DOK6: variants seen among roughly 807,000 people sequenced by gnomAD.
The protein encoded by DOK6 is downstream of tyrosine kinase 6.
Under a neutral mutation model 44.0 loss-of-function variants are expected in DOK6, and 22 were observed. The ratio of observed to expected loss-of-function variants is 0.50; its 90% CI spans 0.36 to 0.71. The LOEUF is 0.71. DOK6 is among the 30% of genes least tolerant of loss of function. DOK6 has a pLI of 0.00. For synonymous variants in DOK6, 166 were observed against 145.5 expected (o/e 1.14, Z -1.01); for missense variants, 340 against 416.4 (o/e 0.82, Z 1.60).
intron 5 of DOK6, among the ~76,000 whole-genome samples, chr18:69,708,630 CA>C (rs1229701703): frequency 6.6e-6 from 1 of 151,772 alleles, no homozygotes; most frequent in East Asian, 1.9e-4. Flanking sequence ...ACTAAAAATA[CA>C]AAAAACAGCT....
intron 2 of DOK6, among the ~76,000 whole-genome samples, chr18:69,582,511 C>T (rs1163534908): frequency 2.0e-5 from 3 of 152,106 alleles, no homozygotes; most frequent in African/African-American, 4.8e-5. Flanking sequence ...TGTACAAATA[C>T]TCTTTTTCAT....
chr18:69,667,364 G>A (rs1192519774), intron 3 of DOK6, among the ~76,000 whole-genome samples: 1 of 152,112 alleles, frequency 6.6e-6, no homozygotes, highest in Non-Finnish European at 1.5e-5. Flanking sequence ...TGTCTGCACT[G>A]ACTCCAACTT....
intron 1 of DOK6, among the ~76,000 whole-genome samples, chr18:69,402,750 A>T (rs553588612): frequency 1.3e-5 from 2 of 152,248 alleles, no homozygotes; most frequent in Non-Finnish European, 1.5e-5. Flanking sequence ...CCTGGAGCCA[A>T]CGTGCGCTGC....
chr18:69,443,074 G>T (rs568988805), intron 1 of DOK6, among the ~76,000 whole-genome samples: 1 of 152,058 alleles, frequency 6.6e-6, no homozygotes, highest in Non-Finnish European at 1.5e-5. Context: ...ATACGAATAC[G>T]CCTGTTTACC....
At chr18:69,615,145 C>T (rs1038185589) in intron 3 of DOK6, among the ~76,000 whole-genome samples, 16 of 152,056 alleles carry the variant, frequency 1.1e-4, no homozygotes, top group African/African-American at 3.6e-4. Flanking sequence ...GTATATATAA[C>T]CCCAAATAAT....
At chr18:69,509,530 C>T (rs941379553) in intron 1 of DOK6, among the ~76,000 whole-genome samples, 2 of 145,792 alleles carry the variant, frequency 1.4e-5, no homozygotes, top group African/African-American at 2.5e-5. Flanking sequence ...CCCAGCTACT[C>T]GGGAGGCCGA....
At chr18:69,469,038 A>G (rs1980010661) in intron 1 of DOK6, among the ~76,000 whole-genome samples, 1 of 152,188 alleles carries the variant, frequency 6.6e-6, no homozygotes, top group African/African-American at 2.4e-5. Flanking sequence ...AGGTCAGGGG[A>G]GAGGATGAAG....
intron 1 of DOK6, among the ~76,000 whole-genome samples, chr18:69,497,456 T>G (rs770913912): frequency 6.6e-6 from 1 of 152,154 alleles, no homozygotes; most frequent in East Asian, 1.9e-4. Context: ...GAATCGTTCA[T>G]GTGGCTGGAA....
chr18:69,585,043 TATC>T (rs1983467578), intron 2 of DOK6, among the ~76,000 whole-genome samples: 1 of 151,894 alleles, frequency 6.6e-6, no homozygotes, highest in African/African-American at 2.4e-5. Flanking sequence ...TTTCTGCCCT[TATC>T]ATTATTATGT....
At chr18:69,790,318 C>A (rs1980555941) in intron 7 of DOK6, among the ~76,000 whole-genome samples, 1 of 152,076 alleles carries the variant, frequency 6.6e-6, no homozygotes, top group South Asian at 2.1e-4. Context: ...CTAATGCATG[C>A]AGGGCTTAAA....
intron 1 of DOK6, among the ~76,000 whole-genome samples, chr18:69,476,549 A>C (rs531269397): frequency 3.5e-4 from 53 of 151,774 alleles, no homozygotes; most frequent in Admixed American, 3.0e-3. Flanking sequence ...TGGACAAGGC[A>C]GTTAATAGAC....
At chr18:69,666,576 T>C (rs1023583774) in intron 3 of DOK6, among the ~76,000 whole-genome samples, 2 of 152,178 alleles carry the variant, frequency 1.3e-5, no homozygotes, top group Non-Finnish European at 2.9e-5. Context: ...ATCATCGACA[T>C]CACATATTCA....
intron 1 of DOK6, among the ~76,000 whole-genome samples, chr18:69,428,633 C>G (rs1365347561): frequency 6.6e-6 from 1 of 152,058 alleles, no homozygotes; most frequent in Non-Finnish European, 1.5e-5. Context: ...AGAATATAAA[C>G]CTCTGATAGC....
chr18:69,456,828 TTAA>T (rs1979646084), intron 1 of DOK6, among the ~76,000 whole-genome samples: 2 of 152,326 alleles, frequency 1.3e-5, no homozygotes, highest in Non-Finnish European at 2.9e-5. Flanking sequence ...TTTTGACTTC[TTAA>T]TAATAGCCAT....
chr18:69,530,882 T>C (rs990347917), intron 1 of DOK6, among the ~76,000 whole-genome samples: 1 of 152,144 alleles, frequency 6.6e-6, no homozygotes, highest in African/African-American at 2.4e-5. Flanking sequence ...TCTCCTATTA[T>C]TATTGTGTGG....
At chr18:69,613,136 G>T (rs1013504875) in intron 3 of DOK6, among the ~76,000 whole-genome samples, 9 of 152,184 alleles carry the variant, frequency 5.9e-5, no homozygotes, top group Non-Finnish European at 1.0e-4. Flanking sequence ...CTCTCAAAGT[G>T]CTGGGATTAC....
chr18:69,788,396 A>G (rs970494913), intron 7 of DOK6, among the ~76,000 whole-genome samples: 1 of 152,346 alleles, frequency 6.6e-6, no homozygotes, highest in South Asian at 2.1e-4. Context: ...TGAAGAATGC[A>G]GCCACAATTT....
intron 1 of DOK6, among the ~76,000 whole-genome samples, chr18:69,536,008 A>C (rs894732542): frequency 2.0e-5 from 3 of 152,178 alleles, no homozygotes; most frequent in African/African-American, 7.2e-5. Context: ...CATAGGGAGA[A>C]GACTAGTGCC....
At chr18:69,706,290 A>C (rs1465913143) in intron 5 of DOK6, among the ~76,000 whole-genome samples, 1 of 152,192 alleles carries the variant, frequency 6.6e-6, no homozygotes, top group East Asian at 1.9e-4. Flanking sequence ...GGCACGGTTC[A>C]TGAGTCCTTG....
Sources: allele counts gnomAD v4.1 joint callset (sites outside exome capture counted in the v4.1 genomes callset), GRCh38; gene constraint gnomAD v4.1.1; transcripts MANE v1.5; gene names NCBI Gene and HGNC (gene_info 2026-07-23, HGNC 2026-07-21).